Variants in ADGRL3 observed in about 807,000 individuals in gnomAD.
ADGRL3 encodes the protein calcium-independent alpha-latrotoxin receptor 3.
Under a neutral mutation model 153.5 loss-of-function variants are expected in ADGRL3, and 62 were observed. The observed-to-expected ratio is 0.40, with a 90% confidence interval of 0.33 to 0.50. The LOEUF is 0.50. Ranked by LOEUF, ADGRL3 falls within the 20% of genes least tolerant of loss-of-function variation. ADGRL3 has a pLI of 0.47. For synonymous variants in ADGRL3, 710 were observed against 672.5 expected, an observed-to-expected ratio of 1.06 and a Z score of -0.86; for missense variants, 1,641 against 1,859.4, an observed-to-expected ratio of 0.88 and a Z score of 2.16.
chr4:61,789,530 C>T (rs1402924683), intron 8 of ADGRL3, among the ~76,000 whole-genome samples: 1 of 152,048 alleles, frequency 6.6e-6, no homozygotes, highest in Non-Finnish European at 1.5e-5. Flanking sequence ...CTTTAAAATA[C>T]ACAATAAAGT....
chr4:61,331,841 G>C (rs1415356644), intron 1 of ADGRL3, among the ~76,000 whole-genome samples: 3 of 151,962 alleles, frequency 2.0e-5, no homozygotes, highest in African/African-American at 7.2e-5. Context: ...TGCATGCATT[G>C]TCATTTTAAA....
At chr4:61,894,189 C>T (rs2098609619) in intron 10 of ADGRL3, among the ~76,000 whole-genome samples, 1 of 152,072 alleles carries the variant, frequency 6.6e-6, no homozygotes, top group Non-Finnish European at 1.5e-5. Context: ...AAGAGAAATT[C>T]ACAACGTCTG....
At position 61,432,638 on chromosome 4, in the gene ADGRL3, CTTTCTTTCTTTCT is replaced by C. The variant is rs1219990053; in HGVS notation, c.-174+49452_-174+49464del. ...TCTTTCTTTCTTTCTTTCTTTCTTT[CTTTCTTTCTTTCT>C]TTCTTTTTTTTTTTTTTTTGAGACA... On this transcript the variant is annotated intron_variant, in intron 2 of 26. Coordinates refer to ENST00000683033, the MANE Select transcript of ADGRL3 (RefSeq NM_001387552.1). 2.5e-3 allele frequency among the ~76,000 whole-genome samples: 60 copies of C among 23,950 alleles called. 6 individuals are homozygous for C. The highest frequency in any genetic ancestry group is 7.3e-3 in the African/African-American group (60 of 8,222). The allele number at this position is 23,950 out of a possible 152,430, so 15.7% of individuals were successfully genotyped here. A position where few individuals can be genotyped will look rare whatever the true frequency, so the allele number is the denominator to read the frequency against.
At chr4:61,683,202 TC>T (rs2095373589) in intron 6 of ADGRL3, among the ~76,000 whole-genome samples, 1 of 151,200 alleles carries the variant, frequency 6.6e-6, no homozygotes, top group African/African-American at 2.4e-5. Flanking sequence ...AGCCTGGACC[TC>T]CCTGGCTTAA....
intron 4 of ADGRL3, among the ~76,000 whole-genome samples, chr4:61,552,331 AT>A (rs2098744063): frequency 6.6e-6 from 1 of 152,138 alleles, no homozygotes. Context: ...ACTTAAAAAT[AT>A]TTTTTCTTTA....
intron 6 of ADGRL3, among the ~76,000 whole-genome samples, chr4:61,682,834 C>T (rs1481372226): frequency 6.6e-6 from 1 of 152,012 alleles, no homozygotes; most frequent in Non-Finnish European, 1.5e-5. Flanking sequence ...TTTTATCTTC[C>T]TTTCATTCAC....
rs539408555 is a variant in ADGRL3 at position 61,886,761 on chromosome 4, C to T, written c.1481-5895C>T. 8.0e-4 allele frequency among the ~76,000 whole-genome samples: 121 copies of T among 151,976 alleles called. No homozygotes were observed. In the Middle Eastern group the frequency reaches 0.014, roughly 17 times the overall value. On this transcript the variant is annotated intron_variant, in intron 9 of 26. Coordinates refer to ENST00000683033, the MANE Select transcript of ADGRL3 (RefSeq NM_001387552.1). ...GGTTCAGGCAATTCTCCTGCCTCAGCGTCCTGAGTAGCTGGGATTACAGGC... is the reference window on the plus strand; with the variant it reads ...GGTTCAGGCAATTCTCCTGCCTCAGTGTCCTGAGTAGCTGGGATTACAGGC...
chr4:61,741,636 G>A (rs933803031), intron 8 of ADGRL3, among the ~76,000 whole-genome samples: 5 of 152,124 alleles, frequency 3.3e-5, no homozygotes, highest in African/African-American at 1.2e-4. Flanking sequence ...AACCTTTCCT[G>A]TATTTTTATG....
chr4:62,052,333 A>G (rs1734659436), intron 25 of ADGRL3, among the ~76,000 whole-genome samples: 1 of 151,620 alleles, frequency 6.6e-6, no homozygotes. Flanking sequence ...TATGGAAAAT[A>G]GATATTCTTA....
chr4:61,514,284 T>G (rs1231074825), intron 3 of ADGRL3, among the ~76,000 whole-genome samples: 1 of 152,126 alleles, frequency 6.6e-6, no homozygotes, highest in African/African-American at 2.4e-5. Context: ...CCTTGGGAGA[T>G]CTGTATGGCA....
At chr4:61,718,771 A>G (rs1487735826) in intron 6 of ADGRL3, among the ~76,000 whole-genome samples, 4 of 152,142 alleles carry the variant, frequency 2.6e-5, no homozygotes, top group Admixed American at 6.5e-5. Flanking sequence ...TGACCCTTCT[A>G]CAGATGGCTT....
intron 6 of ADGRL3, among the ~76,000 whole-genome samples, chr4:61,685,170 G>A (rs1015834313): frequency 2.0e-5 from 3 of 151,858 alleles, no homozygotes; most frequent in African/African-American, 4.8e-5. Flanking sequence ...CACCCACCTC[G>A]GCCTCCCAAA....
At chr4:62,022,381 T>A (rs942313217) in intron 21 of ADGRL3, among the ~76,000 whole-genome samples, 1 of 152,142 alleles carries the variant, frequency 6.6e-6, no homozygotes, top group African/African-American at 2.4e-5. Flanking sequence ...AACTGCAAGA[T>A]GAAGCAGAGA....
intron 13 of ADGRL3, among the ~76,000 whole-genome samples, chr4:61,915,250 A>G (rs938539509): frequency 6.7e-6 from 1 of 148,708 alleles, no homozygotes; most frequent in Non-Finnish European, 1.5e-5. Context: ...GTGTGTTTAT[A>G]TACATATACA....
intron 3 of ADGRL3, among the ~76,000 whole-genome samples, chr4:61,508,181 A>G (rs1436221648): frequency 6.6e-6 from 1 of 152,066 alleles, no homozygotes; most frequent in Non-Finnish European, 1.5e-5. Context: ...CTACTTACTC[A>G]TTTTCAGAAG....
At position 61,743,907 on chromosome 4, in the gene ADGRL3, C is replaced by T. The variant is rs57884095; in HGVS notation, c.1399+10353C>T. Among the ~76,000 whole-genome samples, 857 of 152,282 alleles carry T rather than the reference C, an allele frequency of 5.6e-3. 9 individuals are homozygous for T. Among genetic ancestry groups the T allele is most frequent in the African/African-American group, 0.02 (813 of 41,570 alleles). ...CCGTGTGCGAGCCGAAGCAGGGCGACGCATTGCCTCACTCGGGAAGTGCAA... is the reference window on the plus strand; with the variant it reads ...CCGTGTGCGAGCCGAAGCAGGGCGATGCATTGCCTCACTCGGGAAGTGCAA... On this transcript the variant is annotated intron_variant, in intron 8 of 26. Coordinates refer to ENST00000683033, the MANE Select transcript of ADGRL3 (RefSeq NM_001387552.1).
At chr4:61,554,100 A>AT (rs34976733) in intron 4 of ADGRL3, among the ~76,000 whole-genome samples, 56,357 of 143,080 alleles carry the variant, frequency 0.39, 11,732 homozygotes, top group East Asian at 0.75. Flanking sequence ...GGCTTGGGCC[A>AT]TTTTTTTTTT....
At chr4:61,325,351 G>T (rs184372421) in intron 1 of ADGRL3, among the ~76,000 whole-genome samples, 3 of 152,056 alleles carry the variant, frequency 2.0e-5, no homozygotes, top group Admixed American at 2.0e-4. Flanking sequence ...AAAATAGCAT[G>T]TAGACAATTT....
intron 1 of ADGRL3, among the ~76,000 whole-genome samples, chr4:61,279,803 A>G (rs2093641280): frequency 6.6e-6 from 1 of 152,098 alleles, no homozygotes; most frequent in Non-Finnish European, 1.5e-5. Flanking sequence ...CAGGAAATTG[A>G]TATCAAGTGC....
Sources: allele counts gnomAD v4.1 joint callset (sites outside exome capture counted in the v4.1 genomes callset), GRCh38; gene constraint gnomAD v4.1.1; transcripts MANE v1.5; gene names NCBI Gene and HGNC (gene_info 2026-07-23, HGNC 2026-07-21).